Variants in KCNC2 observed in about 807,000 individuals in gnomAD.
KCNC2 encodes the protein potassium voltage-gated channel subfamily C member 2, also known as voltage-gated potassium channel KCNC2.
KCNC2 carries 21 observed loss-of-function variants against 44.5 expected under a neutral mutation model. The ratio of observed to expected loss-of-function variants is 0.47; its 90% confidence interval spans 0.33 to 0.68. The LOEUF is 0.68. Ranked by LOEUF, KCNC2 falls within the 30% of genes least tolerant of loss-of-function variation. KCNC2 has a pLI of 0.01. For synonymous variants in KCNC2, 391 were observed against 339.1 expected (o/e 1.15, Z -1.68); for missense variants, 589 against 826.2 (o/e 0.71, Z 3.52).
intron 2 of KCNC2, among the ~76,000 whole-genome samples, chr12:75,098,929 C>T (rs1886153323): frequency 3.3e-5 from 5 of 152,088 alleles, no homozygotes; most frequent in Admixed American, 2.0e-4. Flanking sequence ...GCTTTGCCCT[C>T]AGAGAACTTG....
chr12:75,195,666 G>A (rs2030697372), intron 2 of KCNC2, among the ~76,000 whole-genome samples: 1 of 152,058 alleles, frequency 6.6e-6, no homozygotes, highest in African/African-American at 2.4e-5. Context: ...TACCACCTGT[G>A]TTACTTCAAT....
intron 2 of KCNC2, among the ~76,000 whole-genome samples, chr12:75,056,171 A>G (rs917369744): frequency 1.3e-5 from 2 of 152,040 alleles, no homozygotes; most frequent in Admixed American, 1.3e-4. Context: ...GAAATTAGTA[A>G]AAGAATAAAT....
chr12:75,207,197 AC>A lies in KCNC2; in HGVS notation c.687+99del, dbSNP rs200221678. ...CGCTAGGAAATCCCGGGTCTCTTCT[AC>A]CCCCCATGCCTGAGGCCCTGGGGTG... On this transcript the variant is annotated intron_variant, in intron 2 of 4. Transcript: ENST00000549446. This position sits in a 1 kb window ranked among gnomAD's most constrained non-coding sequence, Gnocchi z 4.1. The A allele has an allele frequency of 4.0e-3, 5,874 of 1,469,282 alleles. 93 individuals are homozygous for A. Among genetic ancestry groups the A allele is most frequent in the South Asian group, 0.033 (2,380 of 71,212 alleles). 91.0% of individuals were successfully genotyped at this position (1,469,282 alleles called of 1,614,324 possible).
intron 4 of KCNC2, among the ~76,000 whole-genome samples, chr12:75,047,934 A>G (rs549366768): frequency 6.6e-6 from 1 of 152,198 alleles, no homozygotes; most frequent in South Asian, 2.1e-4. Context: ...ACCAAAGAAG[A>G]GAGAAAAAAG....
chr12:75,070,446 C>T (rs1413630569), intron 2 of KCNC2, among the ~76,000 whole-genome samples: 1 of 54,762 alleles, frequency 1.8e-5, no homozygotes, highest in African/African-American at 5.4e-5. Flanking sequence ...AACAAAACTC[C>T]ATCTCAAAAA....
chr12:75,157,044 T>C (rs1365411665), intron 2 of KCNC2, among the ~76,000 whole-genome samples: 2 of 151,868 alleles, frequency 1.3e-5, no homozygotes, highest in African/African-American at 2.4e-5. Context: ...TATCCCTCTG[T>C]GAAGAGCCTG....
chr12:75,086,671 AAAAAAAAAAAATAT>A lies in KCNC2; in HGVS notation c.688-35368_688-35355del, dbSNP rs1248729287. 1.2e-3 allele frequency among the ~76,000 whole-genome samples: 105 copies of A among 89,388 alleles called. 1 individual carries two copies. The highest frequency in any genetic ancestry group is 4.5e-3 in the Admixed American group (35 of 7,856). 58.6% of individuals were successfully genotyped at this position (89,388 alleles called of 152,430 possible). ...GCAAGTTCATTTGGCAAAAAAAAAA[AAAAAAAAAAAATAT>A]ATATATATATATATACACACACATA... On this transcript the variant is annotated intron_variant, in intron 2 of 4. Transcript: ENST00000549446.
At chr12:75,079,559 T>C (rs1369006238) in intron 2 of KCNC2, among the ~76,000 whole-genome samples, 1 of 152,176 alleles carries the variant, frequency 6.6e-6, no homozygotes, top group East Asian at 1.9e-4. Context: ...ATTGTGTGCA[T>C]ATATGCTTAT....
intron 2 of KCNC2, among the ~76,000 whole-genome samples, chr12:75,119,810 A>G (rs998744035): frequency 6.6e-6 from 1 of 152,226 alleles, no homozygotes; most frequent in African/African-American, 2.4e-5. Flanking sequence ...GAATTAAGAC[A>G]ACATAAGCAA....
chr12:75,082,253 T>C (rs1218672779), intron 2 of KCNC2, among the ~76,000 whole-genome samples: 1 of 151,850 alleles, frequency 6.6e-6, no homozygotes, highest in South Asian at 2.1e-4. Context: ...TAAGAAGGGA[T>C]TGGAGTTATC....
At chr12:75,044,967 T>C (rs1205057010) in intron 4 of KCNC2, among the ~76,000 whole-genome samples, 1 of 151,948 alleles carries the variant, frequency 6.6e-6, no homozygotes, top group Non-Finnish European at 1.5e-5. Flanking sequence ...GCAAGTAATT[T>C]GTCCCTAAAT....
intron 2 of KCNC2, among the ~76,000 whole-genome samples, chr12:75,070,215 C>T (rs988347557): frequency 2.0e-5 from 3 of 151,802 alleles, no homozygotes; most frequent in East Asian, 1.9e-4. Context: ...TTTGGGAAGC[C>T]GAGGCAGGCG....
chr12:75,137,050 A>G (rs1166339306), intron 2 of KCNC2, among the ~76,000 whole-genome samples: 1 of 152,072 alleles, frequency 6.6e-6, no homozygotes, highest in Non-Finnish European at 1.5e-5. Context: ...TACAATCAGT[A>G]CCTTTTGAAA....
chr12:75,123,695 A>T (rs1372845423), intron 2 of KCNC2, among the ~76,000 whole-genome samples: 2 of 152,188 alleles, frequency 1.3e-5, no homozygotes, highest in African/African-American at 4.8e-5. Context: ...GCACCATCCT[A>T]CTATCTTCTC....
chr12:75,198,090 G>A (rs2030931392), intron 2 of KCNC2, among the ~76,000 whole-genome samples: 1 of 150,766 alleles, frequency 6.6e-6, no homozygotes, highest in Non-Finnish European at 1.5e-5. Flanking sequence ...TTTGCATCAA[G>A]TCTAATCATT....
At chr12:75,160,647 C>T (rs548772841) in intron 2 of KCNC2, among the ~76,000 whole-genome samples, 171 of 151,838 alleles carry the variant, frequency 1.1e-3, no homozygotes, top group Non-Finnish European at 2.0e-3. Flanking sequence ...AAGATGAAGG[C>T]GGTTTGTTTG....
intron 2 of KCNC2, among the ~76,000 whole-genome samples, chr12:75,142,887 G>A (rs1445087633): frequency 6.6e-6 from 1 of 152,180 alleles, no homozygotes; most frequent in African/African-American, 2.4e-5. Context: ...CAAAGCAAGG[G>A]AACACAGACA....
intron 2 of KCNC2, among the ~76,000 whole-genome samples, chr12:75,171,733 G>A (rs1340039131): frequency 6.6e-6 from 1 of 151,764 alleles, no homozygotes; most frequent in African/African-American, 2.4e-5. Context: ...AGAATTTACT[G>A]CATATTTAAA....
At chr12:75,149,083 C>G (rs559425516) in intron 2 of KCNC2, among the ~76,000 whole-genome samples, 37 of 151,500 alleles carry the variant, frequency 2.4e-4, no homozygotes, top group African/African-American at 8.0e-4. Flanking sequence ...ATGTGAAACC[C>G]AAGTGATGAA....
Sources: gnomAD v4.1 joint callset for allele counts (sites outside exome capture counted in the v4.1 genomes callset) on GRCh38, gnomAD v4.1.1 for gene constraint, Gnocchi (gnomAD v3.1) non-coding constraint, MANE v1.5 for transcripts, NCBI Gene and HGNC (gene_info 2026-07-23, HGNC 2026-07-21) for gene names.